Variants in SSC4D observed in about 807,000 individuals in gnomAD.
The protein encoded by SSC4D is scavenger receptor cysteine-rich domain-containing group B protein.
Under a neutral mutation model 63.4 loss-of-function variants are expected in SSC4D, and 57 were observed. That is an observed-to-expected ratio of 0.90 (90% CI 0.73 to 1.12). The LOEUF is 1.12. SSC4D is among the 50% of genes most tolerant of loss of function. The pLI, the probability that SSC4D is intolerant of heterozygous loss-of-function variation, is 0.00. For missense variants in SSC4D, 791 were observed against 806.4 expected (o/e 0.98, Z 0.23); for synonymous variants, 352 against 345.4 (o/e 1.02, Z -0.21).
chr7:76,393,410 C>T lies in SSC4D; in HGVS notation c.1328G>A (p.Cys443Tyr). 1 of 1,470,494 alleles carries T rather than the reference C, an allele frequency of 6.8e-7. No homozygotes were observed. The highest frequency in any genetic ancestry group is 9.0e-7 in the Non-Finnish European group (1 of 1,114,600). 91.1% of individuals were successfully genotyped at this position (1,470,494 alleles called of 1,614,324 possible). The part of the protein sequence containing the change: ...CGHHEDAGAL[C>Y]AGPEELGLQV... ...ACCTTCGCTGTCAGCCTCACCTGCG[C>T]AGAGCGCTCCCGCGTCCTCGTGGTG... is the stretch of plus-strand genomic sequence containing the variant. The change falls in exon 9 of 11, where the codon TGC becomes TAC. Residue 443 changes from cysteine to tyrosine, a missense_variant. Cys to Tyr is a radical substitution (Grantham distance 194). Coordinates refer to ENST00000275560, the MANE Select transcript of SSC4D (RefSeq NM_080744.2).
At chr7:76,404,189 A>G in intron 2 of SSC4D, 118 bp downstream of exon 2, 1 of 1,378,166 alleles carries the variant, frequency 7.3e-7, no homozygotes, top group East Asian at 2.6e-5. Context: ...AAAGGTCAGC[A>G]TTGGAAAGAA....
intron 1 of SSC4D, among the ~76,000 whole-genome samples, chr7:76,405,339 C>CTTTCTTTCTTTCTTTTTTTCTT (rs1271510975): frequency 4.7e-5 from 1 of 21,394 alleles, no homozygotes; most frequent in Admixed American, 6.1e-4. Context: ...TTCTTTCTTT[C>CTTTCTTTCTTTCTTTTTTTCTT]TTTTTTTTTT....
Position 76,405,393 on chromosome 7 carries a change from G to A in SSC4D, c.-66-888C>T, listed in dbSNP as rs370434037. Among the ~76,000 whole-genome samples, 6 of 120,834 alleles carry A rather than the reference G, an allele frequency of 5.0e-5. 1 individual carries two copies. The East Asian group carries it at 7.5e-4, about 15-fold the overall frequency. 79.3% of individuals were successfully genotyped at this position (120,834 alleles called of 152,430 possible). On this transcript the variant is annotated intron_variant, in intron 1 of 10. Coordinates refer to ENST00000275560, the MANE Select transcript of SSC4D (RefSeq NM_080744.2). Reference sequence around the variant, plus strand: ...GAGGGTGTTTCACCATATTGGCCAGGCTGGTTTCGAACTCCTGACCTTAAG... The same window carrying A: ...GAGGGTGTTTCACCATATTGGCCAGACTGGTTTCGAACTCCTGACCTTAAG...
chr7:76,400,872 G>C (rs1804801577), intron 3 of SSC4D, 136 bp downstream of exon 3: 1 of 1,262,336 alleles, frequency 7.9e-7, no homozygotes, highest in African/African-American at 1.5e-5. Context: ...AAAATGGGGA[G>C]ACTACAGCTC....
chr7:76,405,249 G>A (rs1421890690), intron 1 of SSC4D, among the ~76,000 whole-genome samples: 26 of 97,614 alleles, frequency 2.7e-4, no homozygotes, highest in African/African-American at 7.6e-4. Context: ...GATTACAGGC[G>A]TGCATCACCA....
chr7:76,409,022 G>T (rs1367459082), intron 1 of SSC4D, among the ~76,000 whole-genome samples: 1 of 152,118 alleles, frequency 6.6e-6, no homozygotes, highest in Non-Finnish European at 1.5e-5. Context: ...AGTTCAATGA[G>T]CAAATGTTTT....
At chr7:76,399,089 G>A (rs1337993799) in intron 4 of SSC4D, among the ~76,000 whole-genome samples, 1 of 152,118 alleles carries the variant, frequency 6.6e-6, no homozygotes, top group Admixed American at 6.5e-5. Flanking sequence ...TCAGCTTGCT[G>A]CAACCTCCGC....
Position 76,390,280 on chromosome 7 carries a change from C to T in SSC4D, c.1507G>A (p.Asp503Asn). The change falls in exon 11 of 11, where the codon GAC (aspartate) becomes AAC (asparagine). Residue 503 changes from aspartate to asparagine, a missense_variant. Transcript: ENST00000275560. Reference sequence around the variant, plus strand: ...CACAGGACACCGGCTGCCCGCAGGTCCCAAGCATCATCACAGACAGTGCCC... The same window carrying T: ...CACAGGACACCGGCTGCCCGCAGGTTCCAAGCATCATCACAGACAGTGCCC... ...RWGTVCDDAW[D>N]LRAAGVLCRQ... is the part of the protein sequence containing the mutation. 1 of 1,613,988 alleles carries T rather than the reference C, an allele frequency of 6.2e-7. No homozygotes were observed. The highest frequency in any genetic ancestry group is 8.5e-7 in the Non-Finnish European group (1 of 1,179,970).
chr7:76,408,719 C>T (rs573299025), intron 1 of SSC4D, among the ~76,000 whole-genome samples: 53 of 152,268 alleles, frequency 3.5e-4, no homozygotes, highest in African/African-American at 1.1e-3. Context: ...AAGGTGGGCC[C>T]CTCCAGTCTG....
chr7:76,400,347 G>C lies in SSC4D; in HGVS notation c.414C>G (p.Gly138=). 1.3e-6 allele frequency: 2 copies of C among 1,534,704 alleles called. No individual in the cohort carries two copies. The highest frequency in any genetic ancestry group is 2.4e-5 in the South Asian group (2 of 83,324). ...RGQEAALSEC[G]SRGWGVHNCF... ...AATTGTGGACGCCCCAGCCGCGGCT[G>C]CCGCACTCGCTCAGCGCAGCTTCCT... Residue 138 remains glycine, a synonymous_variant, in exon 4 of 11, where the codon GGC becomes GGG. Coordinates refer to ENST00000275560, the MANE Select transcript of SSC4D (RefSeq NM_080744.2).
intron 6 of SSC4D, among the ~76,000 whole-genome samples, chr7:76,396,368 T>A (rs1804639884): frequency 6.6e-6 from 1 of 152,194 alleles, no homozygotes; most frequent in African/African-American, 2.4e-5. Context: ...ACTATTCTAG[T>A]TCTTAAAATA....
intron 7 of SSC4D, among the ~76,000 whole-genome samples, chr7:76,394,869 ATT>A (rs1804601826): frequency 6.8e-6 from 1 of 146,112 alleles, no homozygotes; most frequent in African/African-American, 2.5e-5. Flanking sequence ...TATATAAGAT[ATT>A]TATTTATTTA....
intron 1 of SSC4D, among the ~76,000 whole-genome samples, 163 bp from the exon 2 acceptor site, chr7:76,404,668 T>C (rs1456748747): frequency 2.0e-5 from 3 of 152,110 alleles, no homozygotes; most frequent in African/African-American, 7.2e-5. Context: ...TGGTGGCTTA[T>C]GCCTGTAATC....
chr7:76,393,574 C>T lies in SSC4D; in HGVS notation c.1164G>A (p.Gly388=), dbSNP rs1019659784. The T allele has an allele frequency of 2.0e-6, 3 of 1,512,746 alleles. No individual in the cohort carries two copies. The highest frequency in any genetic ancestry group is 5.3e-5 in the East Asian group (2 of 38,010). 93.7% of individuals were successfully genotyped at this position (1,512,746 alleles called of 1,614,324 possible). The change falls in exon 9 of 11, where the codon GGG becomes GGA. Residue 388 remains glycine, a synonymous_variant. Transcript: ENST00000275560. ...ARVACREAGC[G]PALGATGLGH... ...CCAGTCCCGTAGCGCCCAGCGCAGG[C>T]CCGCAGCCCGCTTCGCGGCAGGCCA...
chr7:76,390,055 T>C lies in SSC4D; in HGVS notation c.*4A>G, dbSNP rs1804459877. 6.2e-7 allele frequency: 1 copy of C among 1,614,044 alleles called. No individual in the cohort carries two copies. The highest frequency in any genetic ancestry group is 1.3e-5 in the African/African-American group (1 of 74,930). The stretch of plus-strand genomic sequence containing the variant: ...AGAAGAGGTGGTCTGCAGAGCGGGC[T>C]GGGTCATGAAGGCTGGCACAGGACA... On this transcript the variant is annotated 3_prime_UTR_variant, in exon 11 of 11. Coordinates refer to ENST00000275560, the MANE Select transcript of SSC4D (RefSeq NM_080744.2).
intron 2 of SSC4D, among the ~76,000 whole-genome samples, chr7:76,402,511 G>A (rs957004553): frequency 6.6e-6 from 1 of 151,520 alleles, no homozygotes; most frequent in Admixed American, 6.6e-5. Context: ...AGAGACAGGG[G>A]TCTCACTTTG....
intron 7 of SSC4D, among the ~76,000 whole-genome samples, chr7:76,394,438 T>A (rs1312965154): frequency 1.3e-5 from 2 of 150,700 alleles, no homozygotes; most frequent in East Asian, 2.0e-4. Context: ...ATACAGAGTT[T>A]CGCTCTGTCT....
chr7:76,405,134 T>C (rs1804957019), intron 1 of SSC4D, among the ~76,000 whole-genome samples: 1 of 145,666 alleles, frequency 6.9e-6, no homozygotes, highest in African/African-American at 2.5e-5. Context: ...AGACAGAGTC[T>C]CACTCTGTGG....
chr7:76,393,724 G>C lies in SSC4D; in HGVS notation c.1022-8C>G. On this transcript the variant is annotated splice_region_variant and splice_polypyrimidine_tract_variant and intron_variant, in intron 8 of 10. Coordinates refer to ENST00000275560, the MANE Select transcript of SSC4D (RefSeq NM_080744.2). Reference sequence around the variant, plus strand: ...CCAGTCGCAGCCGTCCACCTGCGGGGCGCACAGGCCCGCGGCCAGAGGGGC... The same window carrying C: ...CCAGTCGCAGCCGTCCACCTGCGGGCCGCACAGGCCCGCGGCCAGAGGGGC... 7.2e-7 allele frequency: 1 copy of C among 1,392,756 alleles called. No individual in the cohort carries two copies. Among genetic ancestry groups the C allele is most frequent in the Non-Finnish European group, 9.3e-7 (1 of 1,079,606 alleles). The allele number at this position is 1,392,756 out of a possible 1,614,324, so 86.3% of individuals were successfully genotyped here.
Sources: allele counts gnomAD v4.1 joint callset (sites outside exome capture counted in the v4.1 genomes callset), GRCh38; gene constraint gnomAD v4.1.1; transcripts MANE v1.5; gene names NCBI Gene and HGNC (gene_info 2026-07-23, HGNC 2026-07-21).